The following ATP10B variants were observed in gnomAD, a reference collection of about 807,000 sequenced individuals.
ATP10B encodes the protein phospholipid-transporting ATPase VB.
ATP10B carries 122 observed loss-of-function variants against 141.2 expected under a neutral mutation model. The ratio of observed to expected loss-of-function variants is 0.86; its 90% CI spans 0.75 to 1.00. The LOEUF (loss-of-function observed/expected upper bound fraction) is 1.00. ATP10B is among the 50% of genes least tolerant of loss of function. ATP10B has a pLI of 0.00. For synonymous variants in ATP10B, 685 were observed against 692.0 expected (o/e 0.99, Z 0.16); for missense variants, 1,876 against 1,825.3 (o/e 1.03, Z -0.51).
chr5:160,906,185 G>C, the ATP10B span, among the ~76,000 whole-genome samples: 1 of 152,148 alleles, frequency 6.6e-6, no homozygotes, highest in African/African-American at 2.4e-5. Flanking sequence ...ACTATGCAAG[G>C]CATGTTAACG....
chr5:160,617,390 C>T (rs565503420), intron 16 of ATP10B, among the ~76,000 whole-genome samples: 197 of 152,300 alleles, frequency 1.3e-3, no homozygotes, highest in Admixed American at 2.5e-3. Context: ...CACAGCTGAA[C>T]ATATCCCTCA....
intron 7 of ATP10B, among the ~76,000 whole-genome samples, chr5:160,654,514 C>T (rs558126868): frequency 2.0e-5 from 3 of 152,290 alleles, no homozygotes; most frequent in Non-Finnish European, 2.9e-5. Flanking sequence ...TGTGTCTCTG[C>T]AGCTCTTTAG....
chr5:160,632,382 T>A lies in ATP10B; in HGVS notation c.1382-15A>T. On this transcript the variant is annotated splice_polypyrimidine_tract_variant and intron_variant, in intron 12 of 25. Coordinates refer to ENST00000327245, the MANE Select transcript of ATP10B (RefSeq NM_025153.3). ...CAGTCGCTTAGCTGCAAGAAAGGAG[T>A]CCTGTTATTGCACTAGTTGTACCTC... 1 of 1,607,324 alleles carries A rather than the reference T, an allele frequency of 6.2e-7. No homozygotes were observed. The highest frequency in any genetic ancestry group is 8.5e-7 in the Non-Finnish European group (1 of 1,174,124).
intron 7 of ATP10B, among the ~76,000 whole-genome samples, chr5:160,653,147 T>C (rs1293356539): frequency 7.6e-6 from 1 of 130,842 alleles, no homozygotes; most frequent in Non-Finnish European, 1.6e-5. Context: ...TAAATATATA[T>C]TATAAATACA....
chr5:160,921,324 C>T, the ATP10B span, among the ~76,000 whole-genome samples: 1 of 150,944 alleles, frequency 6.6e-6, no homozygotes, highest in East Asian at 1.9e-4. Context: ...CATAATTGTA[C>T]ATAAAGAACT....
At chr5:160,777,829 A>G (rs1770443314) in intron 2 of ATP10B, among the ~76,000 whole-genome samples, 1 of 152,230 alleles carries the variant, frequency 6.6e-6, no homozygotes, top group South Asian at 2.1e-4. Context: ...GAGCTGTTAC[A>G]TAAATTTTGG....
At chr5:160,746,432 C>T (rs532817469) in intron 2 of ATP10B, among the ~76,000 whole-genome samples, 1 of 151,334 alleles carries the variant, frequency 6.6e-6, no homozygotes, top group South Asian at 2.1e-4. Context: ...TGCTCTATTG[C>T]CCAGGCTGGA....
In ATP10B at chr5:160,844,456, T is replaced by C. The variant is rs182295069; in HGVS notation, c.-576+7485A>G. ...AACTTTCTTAGCTCCCTTAGTGTCG[T>C]AGGAATTTTTTCACAGGTGCCACCA... On this transcript the variant is annotated intron_variant, in intron 1 of 25. Transcript: ENST00000327245. Among the ~76,000 whole-genome samples the C allele has an allele frequency of 6.0e-3, 918 of 152,248 alleles. 13 individuals are homozygous for C. The highest frequency in any genetic ancestry group is 0.021 in the African/African-American group (874 of 41,538).
intron 1 of ATP10B, among the ~76,000 whole-genome samples, chr5:160,806,505 T>A (rs1205627460): frequency 6.6e-6 from 1 of 152,196 alleles, no homozygotes; most frequent in Admixed American, 6.5e-5. Context: ...AAATGCAAGC[T>A]GAGAGTGGGG....
chr5:160,717,880 G>A (rs1252662980), intron 2 of ATP10B, among the ~76,000 whole-genome samples: 2 of 152,092 alleles, frequency 1.3e-5, no homozygotes, highest in Admixed American at 6.6e-5. Context: ...CTTCTAGGAA[G>A]GGCTCTCTGG....
rs1309090504 is a variant in ATP10B at position 160,598,834 on chromosome 5, T to C, written c.3500A>G (p.Lys1167Arg). 2.5e-6 allele frequency: 4 copies of C among 1,614,176 alleles called. No individual in the cohort carries two copies. The Admixed American group carries it at 6.7e-5, about 27-fold the overall frequency. The change falls in exon 22 of 26, where the codon AAA becomes AGA. Residue 1167 changes from lysine (K) to arginine (R), a missense_variant. Transcript: ENST00000327245. ...CAGGAGTGTTTCTGCAGAGATGTCT[T>C]TGTCAAGGACTCCAAAGACAAGAGG... is the stretch of plus-strand genomic sequence containing the variant. ...LPPLVFGVLD[K>R]DISAETLLAL...
chr5:160,789,119 T>C (rs1771387420), intron 1 of ATP10B, among the ~76,000 whole-genome samples: 1 of 152,130 alleles, frequency 6.6e-6, no homozygotes, highest in Non-Finnish European at 1.5e-5. Flanking sequence ...CATGCACCCA[T>C]ACATGTGGAT....
At chr5:160,889,926 C>T in the ATP10B span, among the ~76,000 whole-genome samples, 5 of 152,160 alleles carry the variant, frequency 3.3e-5, no homozygotes, top group Non-Finnish European at 7.4e-5. Flanking sequence ...GAGGCCTTTG[C>T]ATAAGCTTTT....
At chr5:160,819,849 C>T (rs1659932869) in intron 1 of ATP10B, among the ~76,000 whole-genome samples, 2 of 151,792 alleles carry the variant, frequency 1.3e-5, no homozygotes, top group Non-Finnish European at 2.9e-5. Flanking sequence ...GAATAAAAAG[C>T]AAGAAATTAA....
chr5:160,735,061 G>A (rs1767012675), intron 2 of ATP10B, among the ~76,000 whole-genome samples: 1 of 148,214 alleles, frequency 6.7e-6, no homozygotes, highest in African/African-American at 2.5e-5. Context: ...TTTACTAAAG[G>A]AAGACAGGAA....
chr5:160,890,814 A>G, the ATP10B span, among the ~76,000 whole-genome samples: 1 of 152,124 alleles, frequency 6.6e-6, no homozygotes, highest in African/African-American at 2.4e-5. Context: ...TCCTGAGTAC[A>G]AGTGATCTTC....
At chr5:160,617,234 C>G (rs578135855) in intron 16 of ATP10B, among the ~76,000 whole-genome samples, 11 of 152,350 alleles carry the variant, frequency 7.2e-5, no homozygotes, top group African/African-American at 2.4e-4. Context: ...CAATTCGCAG[C>G]CCTCACTGCC....
chr5:160,819,614 TACA>T (rs1273034984), intron 1 of ATP10B, among the ~76,000 whole-genome samples: 1 of 152,074 alleles, frequency 6.6e-6, no homozygotes, highest in African/African-American at 2.4e-5. Flanking sequence ...AAATAATAAC[TACA>T]ACAACTTTTC....
chr5:160,802,014 A>G (rs4419628), intron 1 of ATP10B, among the ~76,000 whole-genome samples: 74,199 of 151,910 alleles, frequency 0.49, 18,246 homozygotes, highest in East Asian at 0.61. Context: ...TTGCCAGCAT[A>G]GTAGAGTTCC....
Sources: allele counts gnomAD v4.1 joint callset (sites outside exome capture counted in the v4.1 genomes callset), GRCh38; gene constraint gnomAD v4.1.1; transcripts MANE v1.5; gene names NCBI Gene and HGNC (gene_info 2026-07-23, HGNC 2026-07-21).